Variants in LSAMP observed in about 807,000 individuals in gnomAD.
LSAMP encodes limbic system associated membrane protein, also known as limbic system-associated membrane protein.
In LSAMP, 7 loss-of-function variants were observed where a neutral mutation model predicts 38.6. The observed-to-expected ratio is 0.18, with a 90% CI of 0.10 to 0.34. The LOEUF is 0.34. Ranked by LOEUF, LSAMP falls within the 10% of genes least tolerant of loss-of-function variation. LSAMP has a pLI of 1.00. For synonymous variants in LSAMP, 154 were observed against 166.8 expected (o/e 0.92, Z 0.59); for missense variants, 313 against 420.0 (o/e 0.75, Z 2.23).
intron 1 of LSAMP, among the ~76,000 whole-genome samples, chr3:116,167,692 A>T (rs1710093431): frequency 6.6e-6 from 1 of 152,248 alleles, no homozygotes; most frequent in South Asian, 2.1e-4. Context: ...CAAGGCAGAT[A>T]CTGCCTCTGC....
intron 1 of LSAMP, among the ~76,000 whole-genome samples, chr3:116,344,611 T>C (rs2048039978): frequency 6.6e-6 from 1 of 152,064 alleles, no homozygotes; most frequent in Non-Finnish European, 1.5e-5. Context: ...TGCCAACACG[T>C]AAAAATCACA....
chr3:116,190,601 A>G (rs1425430086), intron 1 of LSAMP, among the ~76,000 whole-genome samples: 5 of 152,238 alleles, frequency 3.3e-5, no homozygotes, highest in Admixed American at 1.3e-4. Flanking sequence ...AGTGGGATAC[A>G]GTAAAAAGTG....
intron 3 of LSAMP, among the ~76,000 whole-genome samples, chr3:115,936,167 C>T (rs1937694072): frequency 6.6e-6 from 1 of 152,202 alleles, no homozygotes; most frequent in Non-Finnish European, 1.5e-5. Context: ...TCAGTGTTTT[C>T]CTACTTAAAG....
chr3:116,071,080 T>C (rs997306905), intron 2 of LSAMP, among the ~76,000 whole-genome samples: 6 of 148,236 alleles, frequency 4.0e-5, no homozygotes, highest in South Asian at 4.2e-4. Flanking sequence ...AATAAATAAA[T>C]AAATAAATAA....
At chr3:116,396,419 T>C (rs2048768250) in intron 1 of LSAMP, among the ~76,000 whole-genome samples, 1 of 152,174 alleles carries the variant, frequency 6.6e-6, no homozygotes, top group Admixed American at 6.5e-5. Flanking sequence ...AACCCCATCT[T>C]CTCTAAGGAC....
intron 3 of LSAMP, 92 bp from the exon 4 acceptor site, chr3:115,852,709 T>C (rs1935373415): frequency 1.1e-5 from 14 of 1,223,792 alleles, no homozygotes; most frequent in Non-Finnish European, 1.5e-5. Flanking sequence ...TAAATCCACA[T>C]TTCTTTTCAA....
intron 1 of LSAMP, among the ~76,000 whole-genome samples, chr3:116,245,949 T>C (rs2046601128): frequency 6.6e-6 from 1 of 152,166 alleles, no homozygotes; most frequent in African/African-American, 2.4e-5. Flanking sequence ...GGCCAAAAGG[T>C]AGGTGGCCTG....
chr3:116,088,071 A>T (rs956583751), intron 1 of LSAMP, among the ~76,000 whole-genome samples: 3 of 151,794 alleles, frequency 2.0e-5, no homozygotes, highest in African/African-American at 7.3e-5. Flanking sequence ...TTTAAAAAAA[A>T]AATTAGAGAT....
At chr3:115,990,670 A>G (rs1939641277) in intron 3 of LSAMP, among the ~76,000 whole-genome samples, 1 of 152,084 alleles carries the variant, frequency 6.6e-6, no homozygotes, top group Non-Finnish European at 1.5e-5. Context: ...AATGATATCG[A>G]AATATTTTTG....
intron 1 of LSAMP, among the ~76,000 whole-genome samples, chr3:116,350,747 T>C (rs887774724): frequency 2.0e-5 from 3 of 152,114 alleles, no homozygotes; most frequent in Non-Finnish European, 4.4e-5. Context: ...GTTCTTTACT[T>C]AATAAGAGAA....
intron 3 of LSAMP, among the ~76,000 whole-genome samples, chr3:115,860,780 A>AACT (rs1345006272): frequency 4.6e-5 from 7 of 152,198 alleles, no homozygotes; most frequent in African/African-American, 1.7e-4. Flanking sequence ...TCTGGGAGAA[A>AACT]TAAGTTTTCA....
intron 1 of LSAMP, among the ~76,000 whole-genome samples, chr3:116,418,886 A>G (rs1243601593): frequency 2.0e-5 from 3 of 152,184 alleles, no homozygotes; most frequent in Non-Finnish European, 4.4e-5. Flanking sequence ...TCATGGTCAC[A>G]TTCATACTAT....
intron 3 of LSAMP, among the ~76,000 whole-genome samples, chr3:115,938,809 C>A (rs1306398284): frequency 6.6e-6 from 1 of 152,138 alleles, no homozygotes; most frequent in African/African-American, 2.4e-5. Flanking sequence ...CATTTGTACA[C>A]GTCTTCATTC....
chr3:116,230,843 AATGAG>A (rs1395224861), intron 1 of LSAMP, among the ~76,000 whole-genome samples: 4 of 152,200 alleles, frequency 2.6e-5, no homozygotes, highest in Non-Finnish European at 1.5e-5. Flanking sequence ...AATTAATTAA[AATGAG>A]ATGAATTGCC....
intron 3 of LSAMP, among the ~76,000 whole-genome samples, chr3:116,012,927 T>A (rs1035673010): frequency 5.3e-5 from 8 of 152,362 alleles, no homozygotes; most frequent in Non-Finnish European, 1.2e-4. Flanking sequence ...AAACATAGAC[T>A]ACTTGGAATG....
chr3:115,900,407 T>C (rs1936843462), intron 3 of LSAMP, among the ~76,000 whole-genome samples: 1 of 151,068 alleles, frequency 6.6e-6, no homozygotes, highest in Non-Finnish European at 1.5e-5. Flanking sequence ...CCCTAGCTAC[T>C]TGGGGGGCTG....
rs75254100 is a variant in LSAMP, at chr3:115,853,096, C to T, written c.515-479G>A. On this transcript the variant is annotated intron_variant, in intron 3 of 6. Transcript: ENST00000490035. ...CATAAAGTGCTCTGAGGGGATATAG[C>T]ACCAACATCATCTATTACACCATGC... Among the ~76,000 whole-genome samples the T allele has an allele frequency of 4.8e-3, 735 of 152,304 alleles. 9 individuals carry two copies. The highest frequency in any genetic ancestry group is 0.017 in the African/African-American group (716 of 41,570).
intron 3 of LSAMP, among the ~76,000 whole-genome samples, chr3:115,939,102 C>T (rs1937807365): frequency 6.6e-6 from 1 of 152,080 alleles, no homozygotes; most frequent in Non-Finnish European, 1.5e-5. Flanking sequence ...CATAAAATGA[C>T]TTGTTACCTG....
intron 1 of LSAMP, among the ~76,000 whole-genome samples, chr3:116,105,971 T>C (rs1344960404): frequency 6.6e-6 from 1 of 151,990 alleles, no homozygotes; most frequent in African/African-American, 2.4e-5. Context: ...AAGGGAGGTC[T>C]TGTGGTAAGG....
Sources: allele counts gnomAD v4.1 joint callset (sites outside exome capture counted in the v4.1 genomes callset), GRCh38; gene constraint gnomAD v4.1.1; transcripts MANE v1.5; gene names NCBI Gene and HGNC (gene_info 2026-07-23, HGNC 2026-07-21).